WDR4: variants seen among roughly 807,000 people sequenced by gnomAD.
WDR4 encodes tRNA (guanine-N(7)-)-methyltransferase non-catalytic subunit WDR4.
Under a neutral mutation model 48.6 loss-of-function variants are expected in WDR4, and 47 were observed. The observed-to-expected ratio is 0.97, with a 90% CI of 0.77 to 1.23. The LOEUF is 1.23. Among genes scored for constraint, WDR4 ranks in the 50% most tolerant of loss-of-function variants. WDR4 has a pLI of 0.00. For synonymous variants in WDR4, 268 were observed against 230.0 expected (o/e 1.17, Z -1.49); for missense variants, 606 against 551.6 (o/e 1.10, Z -0.99).
intron 9 of WDR4, 99 bp downstream of exon 9, chr21:42,853,470 G>A: frequency 7.4e-7 from 1 of 1,347,012 alleles, no homozygotes; most frequent in Admixed American, 2.6e-5. Context: ...TGAGTTGAAA[G>A]AGGCTTACCC....
At chr21:42,890,087 AAT>A in the WDR4 span, among the ~76,000 whole-genome samples, 5 of 152,010 alleles carry the variant, frequency 3.3e-5, no homozygotes, top group Non-Finnish European at 4.4e-5. Context: ...AAAAGAAAAA[AAT>A]ATATATATTA....
intron 2 of WDR4, among the ~76,000 whole-genome samples, chr21:42,874,359 T>C (rs1218548020): frequency 6.6e-6 from 1 of 152,198 alleles, no homozygotes; most frequent in Non-Finnish European, 1.5e-5. Flanking sequence ...GACCCTGTGA[T>C]AATTGCGTTG....
At chr21:42,851,192 G>A (rs143107289) in intron 10 of WDR4, among the ~76,000 whole-genome samples, 1 of 152,228 alleles carries the variant, frequency 6.6e-6, no homozygotes, top group East Asian at 1.9e-4. Context: ...GAGCACGGGG[G>A]CCATGAGCAC....
chr21:42,885,408 C>T, the WDR4 span, among the ~76,000 whole-genome samples: 58 of 152,058 alleles, frequency 3.8e-4, no homozygotes, highest in African/African-American at 1.3e-3. Context: ...GTCAGGAGTT[C>T]GAGACCAGCC....
the WDR4 span, chr21:42,887,004 T>G: frequency 0.6 from 91,233 of 151,778 alleles, 28,210 homozygotes; most frequent in African/African-American, 0.72. Flanking sequence ...GATTTGATTT[T>G]ATTTTTAGAC....
At chr21:42,843,783 T>A (rs886618874) in intron 11 of WDR4, among the ~76,000 whole-genome samples, 1 of 152,158 alleles carries the variant, frequency 6.6e-6, no homozygotes, top group African/African-American at 2.4e-5. Context: ...GCCAAGCTGG[T>A]CTCAAACTCC....
downstream of WDR4, among the ~76,000 whole-genome samples, chr21:42,847,045 A>T (rs1192527517): frequency 6.6e-6 from 1 of 152,202 alleles, no homozygotes. Context: ...CTCAAAAAAA[A>T]AAACCAGATA....
chr21:42,852,169 C>T (rs549420426), intron 10 of WDR4, 86 bp downstream of exon 10: 27 of 1,393,532 alleles, frequency 1.9e-5, no homozygotes, highest in Middle Eastern at 2.2e-4. Context: ...CCAGGTACCC[C>T]GGGCAGGTCA....
In WDR4 at chr21:42,850,208, G is replaced by C. The variant is rs2057788114; in HGVS notation, c.1080C>G (p.Leu360=). 6.2e-7 allele frequency: 1 copy of C among 1,609,232 alleles called. No homozygotes were observed. Among genetic ancestry groups the C allele is most frequent in the African/African-American group, 1.3e-5 (1 of 74,610 alleles). The change falls in exon 11 of 11, where the codon CTC becomes CTG. Residue 360 remains leucine, a synonymous_variant. Coordinates refer to ENST00000398208, the MANE Select transcript of WDR4 (RefSeq NM_018669.6). ...SAGADASFSS[L]YKATFDNVTS... ...TCACGTTGTCGAACGTGGCCTTGTA[G>C]AGACTGCTGAAGCTGGCGTCTGCGC...
At chr21:42,860,519 G>A (rs1463497642) in intron 5 of WDR4, among the ~76,000 whole-genome samples, 1 of 152,256 alleles carries the variant, frequency 6.6e-6, no homozygotes, top group Non-Finnish European at 1.5e-5. Context: ...GGAATGGGGT[G>A]GCCCGTGAGC....
chr21:42,886,100 G>A, the WDR4 span, among the ~76,000 whole-genome samples: 1 of 152,034 alleles, frequency 6.6e-6, no homozygotes, highest in African/African-American at 2.4e-5. Context: ...GGGACTACAG[G>A]CATGTGCCAC....
downstream of WDR4, among the ~76,000 whole-genome samples, chr21:42,846,686 C>T (rs1174328044): frequency 6.6e-6 from 1 of 152,148 alleles, no homozygotes; most frequent in African/African-American, 2.4e-5. Flanking sequence ...GCACTTCAGC[C>T]TGGGTGACAG....
At position 42,853,554 on chromosome 21, in the gene WDR4, G is replaced by A. The variant is rs749697453; in HGVS notation, c.975+15C>T. The A allele has an allele frequency of 2.5e-6, 4 of 1,601,672 alleles. No individual in the cohort carries two copies. The highest frequency in any genetic ancestry group is 2.2e-5 in the South Asian group (2 of 89,300). On this transcript the variant is annotated intron_variant, in intron 9 of 10. Coordinates refer to ENST00000398208, the MANE Select transcript of WDR4 (RefSeq NM_018669.6). ...AAGGCAGGGCATAGGACATCTGGAA[G>A]GTGCCGAGTCTCACCTGCCACTGGT...
the WDR4 span, among the ~76,000 whole-genome samples, chr21:42,890,621 A>C: frequency 6.6e-6 from 1 of 152,214 alleles, no homozygotes; most frequent in African/African-American, 2.4e-5. Flanking sequence ...TCTACAAAGA[A>C]AGGAATATAA....
At chr21:42,888,716 T>G in the WDR4 span, among the ~76,000 whole-genome samples, 1 of 151,546 alleles carries the variant, frequency 6.6e-6, no homozygotes, top group Non-Finnish European at 1.5e-5. Flanking sequence ...TTTTTTTTTT[T>G]TAGAGACAGA....
intron 8 of WDR4, among the ~76,000 whole-genome samples, chr21:42,854,038 T>C (rs2057916824): frequency 6.6e-6 from 1 of 152,094 alleles, no homozygotes; most frequent in Admixed American, 6.5e-5. Context: ...CAGGCGCAGC[T>C]CTCCTCTCAC....
chr21:42,856,223 T>C (rs974078727), intron 6 of WDR4, among the ~76,000 whole-genome samples: 4 of 152,114 alleles, frequency 2.6e-5, no homozygotes, highest in Admixed American at 1.3e-4. Context: ...TCGTGGCCAC[T>C]GCTCCACTTC....
intron 2 of WDR4, among the ~76,000 whole-genome samples, chr21:42,876,269 A>G (rs2058490812): frequency 7.8e-6 from 1 of 128,768 alleles, no homozygotes; most frequent in African/African-American, 3.2e-5. Context: ...GCTGGAGTGC[A>G]ATGCCGCAAT....
intron 3 of WDR4, among the ~76,000 whole-genome samples, chr21:42,872,138 C>A (rs1390951133): frequency 6.6e-6 from 1 of 152,104 alleles, no homozygotes; most frequent in Non-Finnish European, 1.5e-5. Flanking sequence ...GCACGCACCA[C>A]CATGCCCAGC....
Sources: allele counts gnomAD v4.1 joint callset (sites outside exome capture counted in the v4.1 genomes callset), GRCh38; gene constraint gnomAD v4.1.1; transcripts MANE v1.5; gene names NCBI Gene and HGNC (gene_info 2026-07-23, HGNC 2026-07-21).